Variants in THSD7B observed in about 807,000 individuals in gnomAD.
THSD7B encodes the protein thrombospondin type 1 domain containing 7B.
THSD7B carries 138 observed loss-of-function variants against 213.6 expected under a neutral mutation model. The ratio of observed to expected loss-of-function variants is 0.65; its 90% CI spans 0.56 to 0.74. THSD7B has a LOEUF of 0.74. Ranked by LOEUF, THSD7B falls within the 30% of genes least tolerant of loss-of-function variation. The probability of loss-of-function intolerance (pLI) is 0.00; values close to 1 mark genes in which losing one functional copy is unlikely to be tolerated. For synonymous variants in THSD7B, 742 were observed against 687.0 expected (o/e 1.08, Z -1.25); for missense variants, 1,931 against 1,991.5 (o/e 0.97, Z 0.58).
At chr2:137,359,033 T>A (rs893921636) in intron 12 of THSD7B, among the ~76,000 whole-genome samples, 14 of 152,250 alleles carry the variant, frequency 9.2e-5, no homozygotes, top group Admixed American at 6.5e-5. Flanking sequence ...AGATACGCTT[T>A]ATCTGTAGAT....
intron 1 of THSD7B, among the ~76,000 whole-genome samples, chr2:136,874,712 CT>C (rs1683496804): frequency 6.6e-6 from 1 of 152,058 alleles, no homozygotes; most frequent in South Asian, 2.1e-4. Flanking sequence ...AAAACTGAGG[CT>C]AAAAGGAGAA....
chr2:137,215,583 G>T (rs1399284519), intron 7 of THSD7B, among the ~76,000 whole-genome samples: 5 of 152,124 alleles, frequency 3.3e-5, no homozygotes, highest in African/African-American at 7.2e-5. Context: ...ATTTTAAAAT[G>T]ATGACTGAAC....
chr2:137,430,371 T>C (rs1687149793), intron 14 of THSD7B, among the ~76,000 whole-genome samples: 1 of 152,246 alleles, frequency 6.6e-6, no homozygotes, highest in African/African-American at 2.4e-5. Context: ...ACATGTTAAA[T>C]TTTGATATGG....
At chr2:137,415,378 A>C (rs1302467044) in intron 14 of THSD7B, among the ~76,000 whole-genome samples, 4 of 152,198 alleles carry the variant, frequency 2.6e-5, no homozygotes, top group Non-Finnish European at 5.9e-5. Flanking sequence ...ATTGATAATC[A>C]CAGCCCAGTC....
At chr2:137,053,048 G>C (rs988913925) in intron 2 of THSD7B, among the ~76,000 whole-genome samples, 1 of 152,000 alleles carries the variant, frequency 6.6e-6, no homozygotes, top group African/African-American at 2.4e-5. Flanking sequence ...TCCTGACCAA[G>C]GTTTATTAAC....
At chr2:137,027,111 G>T (rs1375946564) in intron 2 of THSD7B, among the ~76,000 whole-genome samples, 1 of 152,106 alleles carries the variant, frequency 6.6e-6, no homozygotes, top group Non-Finnish European at 1.5e-5. Context: ...TTCACTGCGT[G>T]GTTATTAAAT....
chr2:136,903,343 A>G (rs950377038), intron 2 of THSD7B, among the ~76,000 whole-genome samples: 3 of 152,166 alleles, frequency 2.0e-5, no homozygotes, highest in Non-Finnish European at 4.4e-5. Context: ...AATAGGCAAA[A>G]AGAGGTTATA....
At chr2:137,579,321 A>G (rs1436952858) in intron 17 of THSD7B, among the ~76,000 whole-genome samples, 1 of 152,142 alleles carries the variant, frequency 6.6e-6, no homozygotes, top group East Asian at 1.9e-4. Flanking sequence ...ACACTGAGAC[A>G]TTGGTTTTTT....
intron 27 of THSD7B, among the ~76,000 whole-genome samples, chr2:137,669,621 G>T (rs1252292353): frequency 6.6e-6 from 1 of 152,128 alleles, no homozygotes; most frequent in Admixed American, 6.6e-5. Flanking sequence ...GGACACGAAG[G>T]TTTGGCCAAT....
Position 137,233,008 on chromosome 2 carries a change from G to A in THSD7B, c.2025G>A (p.Glu675=), listed in dbSNP as rs779296957. 1.2e-6 allele frequency: 2 copies of A among 1,613,958 alleles called. No homozygotes were observed. Among genetic ancestry groups the A allele is most frequent in the South Asian group, 2.2e-5 (2 of 91,086 alleles). The change falls in exon 9 of 28, where the codon GAG becomes GAA. Residue 675 remains glutamate, a synonymous_variant. Coordinates refer to ENST00000409968, the MANE Select transcript of THSD7B (RefSeq NM_001316349.2). The part of the protein sequence containing the change: ...WETSPWGPCS[E]DTLVTALNAT... Reference sequence around the variant, plus strand: ...CATCGCCTTGGGGCCCTTGTTCTGAGGACACATTGGTAACTGCCCTTAATG... The same window carrying A: ...CATCGCCTTGGGGCCCTTGTTCTGAAGACACATTGGTAACTGCCCTTAATG...
At chr2:136,821,253 C>T (rs757174177) in intron 1 of THSD7B, among the ~76,000 whole-genome samples, 7 of 152,090 alleles carry the variant, frequency 4.6e-5, no homozygotes, top group Non-Finnish European at 1.0e-4. Flanking sequence ...CTTCCATATC[C>T]AATGTACTAG....
At chr2:137,368,362 AT>A (rs1558772717) in intron 12 of THSD7B, among the ~76,000 whole-genome samples, 3 of 151,880 alleles carry the variant, frequency 2.0e-5, no homozygotes, top group Non-Finnish European at 4.4e-5. Flanking sequence ...TCACTTAAAA[AT>A]TTTTTAAAAA....
intron 12 of THSD7B, among the ~76,000 whole-genome samples, chr2:137,350,876 T>C (rs1024221483): frequency 1.3e-5 from 2 of 151,918 alleles, no homozygotes; most frequent in African/African-American, 4.8e-5. Flanking sequence ...AGGTTTCTGG[T>C]TGAGCACAGC....
intron 12 of THSD7B, among the ~76,000 whole-genome samples, chr2:137,348,463 G>A (rs572067124): frequency 3.0e-4 from 46 of 151,776 alleles, no homozygotes; most frequent in African/African-American, 1.0e-3. Flanking sequence ...ATTTTAAACA[G>A]TTACAGATTA....
intron 1 of THSD7B, among the ~76,000 whole-genome samples, chr2:136,845,579 C>G (rs1035611221): frequency 1.3e-5 from 2 of 152,078 alleles, no homozygotes; most frequent in Non-Finnish European, 2.9e-5. Flanking sequence ...GAGGCAGGTA[C>G]AAGTCATTGT....
chr2:137,196,862 G>T (rs995581720), intron 7 of THSD7B, among the ~76,000 whole-genome samples: 3 of 152,100 alleles, frequency 2.0e-5, no homozygotes, highest in Admixed American at 1.3e-4. Flanking sequence ...AAACGCTTCT[G>T]GTCCCAAGCG....
intron 1 of THSD7B, among the ~76,000 whole-genome samples, chr2:136,871,386 A>G (rs1249593299): frequency 6.6e-6 from 1 of 152,192 alleles, no homozygotes; most frequent in East Asian, 1.9e-4. Flanking sequence ...AGTCAGAGCC[A>G]CACCCATCTA....
intron 12 of THSD7B, among the ~76,000 whole-genome samples, chr2:137,282,818 T>C (rs1444339333): frequency 6.6e-6 from 1 of 152,226 alleles, no homozygotes; most frequent in Non-Finnish European, 1.5e-5. Flanking sequence ...CCTTGTAGTA[T>C]AGTTTGAAGT....
intron 2 of THSD7B, among the ~76,000 whole-genome samples, chr2:137,001,120 C>T (rs559359039): frequency 6.6e-5 from 10 of 152,064 alleles, no homozygotes; most frequent in South Asian, 4.1e-4. Flanking sequence ...TCATGTTTTA[C>T]GCTTCCCTGA....
Sources: allele counts gnomAD v4.1 joint callset (sites outside exome capture counted in the v4.1 genomes callset), GRCh38; gene constraint gnomAD v4.1.1; transcripts MANE v1.5; gene names NCBI Gene and HGNC (gene_info 2026-07-23, HGNC 2026-07-21).